Variants in ARHGEF3 observed in about 807,000 individuals in gnomAD.
ARHGEF3 encodes 59.8 kDA protein.
In ARHGEF3, 28 loss-of-function variants were observed where a neutral mutation model predicts 63.2. That is an observed-to-expected ratio of 0.44 (90% confidence interval 0.33 to 0.61). The LOEUF (loss-of-function observed/expected upper bound fraction) is 0.61. ARHGEF3 is among the 20% of genes least tolerant of loss of function. The pLI is 0.03. For synonymous variants in ARHGEF3, 266 were observed against 254.2 expected (o/e 1.05, Z -0.44); for missense variants, 533 against 659.3 (o/e 0.81, Z 2.10).
intron 4 of ARHGEF3, among the ~76,000 whole-genome samples, chr3:56,858,878 A>C (rs2039973263): frequency 6.6e-6 from 1 of 152,216 alleles, no homozygotes; most frequent in Non-Finnish European, 1.5e-5. Context: ...AAGTGGATCT[A>C]CATTTTATTT....
chr3:56,914,304 A>T (rs940388239), intron 3 of ARHGEF3, among the ~76,000 whole-genome samples: 4 of 152,216 alleles, frequency 2.6e-5, no homozygotes, highest in African/African-American at 9.7e-5. Context: ...GTCTTAAGAG[A>T]TATTTGTACA....
intron 2 of ARHGEF3, among the ~76,000 whole-genome samples, chr3:57,011,151 C>G (rs1267244573): frequency 2.6e-5 from 4 of 152,090 alleles, no homozygotes; most frequent in Admixed American, 2.0e-4. Context: ...AAACTGGGAC[C>G]GGAATGCAGC....
rs926638131 is a variant in ARHGEF3, at chr3:57,045,900, A to G, written c.-27-10724T>C. 9.2e-5 allele frequency among the ~76,000 whole-genome samples: 14 copies of G among 152,364 alleles called. No individual in the cohort carries two copies. The South Asian group carries it at 2.7e-3, about 29-fold the overall frequency. ...CAGGGCATTTGTTTAAATGAGCTTC[A>G]TAGAATCAACACACATCACACTCAC... On this transcript the variant is annotated intron_variant, in intron 1 of 12. Transcript: ENST00000338458.
rs564177724 is a variant in ARHGEF3 at position 56,761,514 on chromosome 3, T to A, written c.205-6363A>T. Among the ~76,000 whole-genome samples the A allele has an allele frequency of 1.7e-4, 26 of 152,248 alleles. No homozygotes were observed. In the South Asian group the frequency reaches 5.2e-3, roughly 30 times the overall value. On this transcript the variant is annotated intron_variant, in intron 2 of 9. Transcript: ENST00000296315. The stretch of plus-strand genomic sequence containing the variant: ...TTCTTTCATGTCTATTTCCTTCCAA[T>A]AGAAGGTAAACTCCTTGAAGGCAGG...
intron 4 of ARHGEF3, among the ~76,000 whole-genome samples, chr3:56,849,783 T>A (rs186395515): frequency 6.6e-6 from 1 of 152,272 alleles, no homozygotes; most frequent in Admixed American, 6.5e-5. Context: ...CACATTTTCA[T>A]CTAGGTTGGC....
At chr3:57,054,461 C>A (rs1203275470) in intron 1 of ARHGEF3, among the ~76,000 whole-genome samples, 1 of 146,452 alleles carries the variant, frequency 6.8e-6, no homozygotes, top group African/African-American at 2.5e-5. Flanking sequence ...GAAACCCTAT[C>A]TCTACAAAAA....
intron 2 of ARHGEF3, among the ~76,000 whole-genome samples, chr3:56,757,954 C>T (rs2035176208): frequency 6.6e-6 from 1 of 150,808 alleles, no homozygotes; most frequent in African/African-American, 2.4e-5. Flanking sequence ...CATCTCCTGA[C>T]CTCGTGATCC....
intron 3 of ARHGEF3, among the ~76,000 whole-genome samples, chr3:56,915,360 G>T (rs2041959876): frequency 6.6e-6 from 1 of 152,132 alleles, no homozygotes. Context: ...CAGCTACTCG[G>T]GAGGCTGAGG....
intron 3 of ARHGEF3, among the ~76,000 whole-genome samples, chr3:56,905,644 A>G (rs999847990): frequency 2.0e-5 from 3 of 152,246 alleles, no homozygotes; most frequent in Non-Finnish European, 4.4e-5. Flanking sequence ...AACATTGCCA[A>G]TTGGCCTCCA....
Position 56,773,736 on chromosome 3 carries a change from T to C in ARHGEF3, c.177A>G (p.Pro59=). 3 of 1,593,658 alleles carry C rather than the reference T, an allele frequency of 1.9e-6. No individual in the cohort carries two copies. Among genetic ancestry groups the C allele is most frequent in the Non-Finnish European group, 2.6e-6 (3 of 1,173,030 alleles). Residue 59 remains proline, a synonymous_variant, in exon 2 of 10, where the codon CCA becomes CCG. Coordinates refer to ENST00000296315, the MANE Select transcript of ARHGEF3 (RefSeq NM_019555.3). Reference sequence around the variant, plus strand: ...GCAGGGTTTGACTGAAGCGCTTTAATGGCGTGGCCTTCACGGGCGGGATGA... The same window carrying C: ...GCAGGGTTTGACTGAAGCGCTTTAACGGCGTGGCCTTCACGGGCGGGATGA... ...ANLIPPVKAT[P]LKRFSQTLQR...
chr3:56,829,623 C>T lies in ARHGEF3; in HGVS notation c.192+52669G>A, dbSNP rs578054151. On this transcript the variant is annotated intron_variant, in intron 4 of 12. Transcript: ENST00000338458. ...CCCCCACAGACAGAGCTATCTGAAG[C>T]AAGCACAGAACCTTGACACTCTTTT... Among the ~76,000 whole-genome samples, 6 of 152,320 alleles carry T rather than the reference C, an allele frequency of 3.9e-5. No individual in the cohort carries two copies. The East Asian group carries it at 1.2e-3, about 29-fold the overall frequency.
rs1280329330 is a variant in ARHGEF3 at position 56,849,622 on chromosome 3, C to A, written c.192+32670G>T. Among the ~76,000 whole-genome samples, 5 of 151,782 alleles carry A rather than the reference C, an allele frequency of 3.3e-5. 1 individual carries two copies. The highest frequency in any genetic ancestry group is 1.2e-4 in the African/African-American group (5 of 41,282). ...TGTTGCCTTAAAGATGCTGTTATGC[C>A]AACCCTAGTAGCCCAAAATAGATGG... On this transcript the variant is annotated intron_variant, in intron 4 of 12. Transcript: ENST00000338458.
intron 1 of ARHGEF3, among the ~76,000 whole-genome samples, chr3:56,799,699 G>A (rs538480889): frequency 6.6e-5 from 10 of 152,266 alleles, no homozygotes; most frequent in African/African-American, 2.4e-4. Flanking sequence ...TGCCTTTTGC[G>A]CTGATAAGGA....
rs1187900536 is a variant in ARHGEF3, at chr3:56,994,086, G to A, written c.63-35197C>T. Among the ~76,000 whole-genome samples, 393 of 40,714 alleles carry A rather than the reference G, an allele frequency of 9.7e-3. 1 individual carries two copies. Among genetic ancestry groups the A allele is most frequent in the Non-Finnish European group, 0.016 (253 of 15,476 alleles). 26.7% of individuals were successfully genotyped at this position (40,714 alleles called of 152,430 possible). ...TCTCAAAAAAAAAAAAAAAAAAAAA[G>A]CACACTGTAGATTATAACACACAAT... On this transcript the variant is annotated intron_variant, in intron 2 of 12. Coordinates refer to the ARHGEF3 transcript ENST00000338458.
chr3:57,067,344 ACTCG>A (rs888468147), intron 1 of ARHGEF3, among the ~76,000 whole-genome samples: 2 of 151,522 alleles, frequency 1.3e-5, no homozygotes, highest in African/African-American at 4.8e-5. Flanking sequence ...ACTCCCAGTT[ACTCG>A]GGAGGCTGAG....
chr3:57,077,949 T>TGGC (rs1706291032), intron 1 of ARHGEF3, among the ~76,000 whole-genome samples: 1 of 152,148 alleles, frequency 6.6e-6, no homozygotes. Flanking sequence ...CACCAGCTCC[T>TGGC]TACCAGAATA....
At chr3:56,915,879 A>C (rs996161706) in intron 3 of ARHGEF3, among the ~76,000 whole-genome samples, 4 of 152,238 alleles carry the variant, frequency 2.6e-5, no homozygotes, top group African/African-American at 7.2e-5. Context: ...AGCAACAACA[A>C]AACAGAAGGC....
rs553634510 is a variant in ARHGEF3, at chr3:56,944,088, G to C, written c.129+14735C>G. ...CTACTCGGGCGGCTGAGGCAGAATTGCTTGAACCCGAAAGGTGGAGGTTGC... is the reference window on the plus strand; with the variant it reads ...CTACTCGGGCGGCTGAGGCAGAATTCCTTGAACCCGAAAGGTGGAGGTTGC... On this transcript the variant is annotated intron_variant, in intron 3 of 12. Coordinates refer to the ARHGEF3 transcript ENST00000338458. 2.5e-4 allele frequency among the ~76,000 whole-genome samples: 38 copies of C among 152,152 alleles called. No homozygotes were observed. In the South Asian group the frequency reaches 7.9e-3, roughly 32 times the overall value.
intron 4 of ARHGEF3, among the ~76,000 whole-genome samples, chr3:56,852,961 A>G (rs1331566907): frequency 6.6e-6 from 1 of 152,250 alleles, no homozygotes; most frequent in African/African-American, 2.4e-5. Flanking sequence ...AGGGCTAAAA[A>G]TAGCCAGAAA....
Sources: allele counts gnomAD v4.1 joint callset (sites outside exome capture counted in the v4.1 genomes callset), GRCh38; gene constraint gnomAD v4.1.1; transcripts MANE v1.5; gene names NCBI Gene and HGNC (gene_info 2026-07-23, HGNC 2026-07-21).